SLC30A4: variants seen among roughly 807,000 people sequenced by gnomAD.
SLC30A4 encodes the protein solute carrier family 30 member 4.
Under a neutral mutation model 41.7 loss-of-function variants are expected in SLC30A4, and 20 were observed. That is an observed-to-expected ratio of 0.48 (90% confidence interval 0.34 to 0.70). The LOEUF is 0.70. SLC30A4 is among the 30% of genes least tolerant of loss of function. SLC30A4 has a pLI of 0.01. For missense variants in SLC30A4, 441 were observed against 529.3 expected (o/e 0.83, Z 1.64); for synonymous variants, 181 against 195.9 (o/e 0.92, Z 0.64).
intron 3 of SLC30A4, among the ~76,000 whole-genome samples, chr15:45,500,113 C>G (rs1891990098): frequency 6.6e-6 from 1 of 152,030 alleles, no homozygotes; most frequent in Non-Finnish European, 1.5e-5. Flanking sequence ...TACAATTTAG[C>G]TAAGAATTCT....
intron 2 of SLC30A4, among the ~76,000 whole-genome samples, chr15:45,511,686 G>A (rs189756592): frequency 1.2e-3 from 180 of 152,266 alleles, no homozygotes; most frequent in Admixed American, 3.5e-3. Context: ...GTTTCACCAT[G>A]TTGGCCAGGC....
intron 2 of SLC30A4, among the ~76,000 whole-genome samples, chr15:45,521,337 G>A (rs1226586897): frequency 6.6e-6 from 1 of 152,116 alleles, no homozygotes; most frequent in Non-Finnish European, 1.5e-5. Context: ...CCCTTCTTAC[G>A]AGGCAAAAAT....
chr15:45,489,580 A>G (rs895315004), intron 4 of SLC30A4, among the ~76,000 whole-genome samples: 5 of 131,224 alleles, frequency 3.8e-5, no homozygotes, highest in Non-Finnish European at 7.7e-5. Context: ...CTTACTAACA[A>G]GGCTGCAGTA....
chr15:45,490,601 C>G, intron 4 of SLC30A4, 127 bp downstream of exon 4: 1 of 576,914 alleles, frequency 1.7e-6, no homozygotes. Context: ...TTTCATTTAT[C>G]AGAAAAGTTA....
In SLC30A4 at chr15:45,522,394, G is replaced by C; in HGVS notation, c.-40C>G. Reference sequence around the variant, plus strand: ...GGCCGCGGTGCGGAACGGCTTGGGGGAGGCGGACGGCCGGCGGCGCCTACT... The same window carrying C: ...GGCCGCGGTGCGGAACGGCTTGGGGCAGGCGGACGGCCGGCGGCGCCTACT... On this transcript the variant is annotated 5_prime_UTR_variant, in exon 2 of 8. Transcript: ENST00000261867. 2 of 1,534,120 alleles carry C rather than the reference G, an allele frequency of 1.3e-6. No homozygotes were observed. Among genetic ancestry groups the C allele is most frequent in the Non-Finnish European group, 1.7e-6 (2 of 1,147,766 alleles).
chr15:45,489,883 T>G (rs574263951), intron 4 of SLC30A4, among the ~76,000 whole-genome samples: 1 of 152,296 alleles, frequency 6.6e-6, no homozygotes, highest in South Asian at 2.1e-4. Flanking sequence ...GATTTTTTTT[T>G]TGTACATAAA....
rs1175508114 is a variant in SLC30A4 at position 45,484,684 on chromosome 15, C to T, written c.*479G>A. On this transcript the variant is annotated 3_prime_UTR_variant, in exon 8 of 8. Coordinates refer to ENST00000261867, the MANE Select transcript of SLC30A4 (RefSeq NM_013309.6). ...ACTTTTGGGATAACTACTAGTACTT[C>T]CTGAAATCTGTTGGGTAGTAATTTC... 1 of 153,280 alleles carries T rather than the reference C, an allele frequency of 6.5e-6. No homozygotes were observed. The highest frequency in any genetic ancestry group is 1.5e-5 in the Non-Finnish European group (1 of 68,890). The allele number at this position is 153,280 out of a possible 1,614,324, so 9.5% of individuals were successfully genotyped here.
Position 45,498,454 on chromosome 15 carries a change from T to C in SLC30A4, c.539-7573A>G, listed in dbSNP as rs150716258. 7.9e-4 allele frequency among the ~76,000 whole-genome samples: 120 copies of C among 152,290 alleles called. 2 individuals are homozygous for C. In the East Asian group the frequency reaches 0.021, roughly 27 times the overall value. ...TGGATTAAGGATGCTCAACCTGTAT[T>C]TGTATTTCAACTCAGGCTAAAGACA... is the stretch of plus-strand genomic sequence containing the variant. On this transcript the variant is annotated intron_variant, in intron 3 of 7. Coordinates refer to ENST00000261867, the MANE Select transcript of SLC30A4 (RefSeq NM_013309.6).
At chr15:45,519,323 C>T (rs1483231654) in intron 2 of SLC30A4, 4 of 152,110 alleles carry the variant, frequency 2.6e-5, no homozygotes, top group African/African-American at 9.7e-5. Context: ...CTGCAACCTC[C>T]ACCTCCCAGG....
intron 3 of SLC30A4, among the ~76,000 whole-genome samples, chr15:45,506,754 C>G (rs1892163588): frequency 6.6e-6 from 1 of 152,116 alleles, no homozygotes. Context: ...GCTTGAGTAC[C>G]TTCTTAGCTC....
chr15:45,518,386 A>G (rs748262797), intron 2 of SLC30A4, among the ~76,000 whole-genome samples: 2 of 152,208 alleles, frequency 1.3e-5, no homozygotes, highest in Non-Finnish European at 2.9e-5. Context: ...AGTAGGGATC[A>G]TAATAGTTTC....
chr15:45,497,828 T>C (rs184355454), intron 3 of SLC30A4, among the ~76,000 whole-genome samples: 33 of 152,340 alleles, frequency 2.2e-4, no homozygotes, highest in African/African-American at 7.5e-4. Context: ...CTAGGATTTA[T>C]TACAATTTAT....
chr15:45,500,039 T>C (rs760834021), intron 3 of SLC30A4, among the ~76,000 whole-genome samples: 5 of 152,346 alleles, frequency 3.3e-5, no homozygotes, highest in Middle Eastern at 3.4e-3. Context: ...CAAAGACTTA[T>C]GAGTTTAAAG....
At chr15:45,521,338 A>T (rs547793880) in intron 2 of SLC30A4, among the ~76,000 whole-genome samples, 2 of 152,364 alleles carry the variant, frequency 1.3e-5, no homozygotes, top group East Asian at 3.9e-4. Context: ...CCTTCTTACG[A>T]GGCAAAAATT....
rs146768952 is a variant in SLC30A4, at chr15:45,488,829, C to T, written c.894+12G>A. On this transcript the variant is annotated intron_variant, in intron 5 of 7. Transcript: ENST00000261867. ...GTACATTTTAAAATAGAAAAATTACCAATCATATTACCTTGAATCGTATGA... is the reference window on the plus strand; with the variant it reads ...GTACATTTTAAAATAGAAAAATTACTAATCATATTACCTTGAATCGTATGA... The T allele has an allele frequency of 5.1e-4, 823 of 1,599,898 alleles. 7 individuals carry two copies. The African/African-American group carries it at 0.01, about 20-fold the overall frequency.
chr15:45,498,442 C>T (rs1177684326), intron 3 of SLC30A4, among the ~76,000 whole-genome samples: 1 of 152,134 alleles, frequency 6.6e-6, no homozygotes, highest in Non-Finnish European at 1.5e-5. Flanking sequence ...ATTAAGGATG[C>T]TCAACCTGTA....
chr15:45,486,633 A>C lies in SLC30A4; in HGVS notation c.1113T>G (p.Thr371=). The C allele has an allele frequency of 6.2e-7, 1 of 1,605,716 alleles. No homozygotes were observed. Among genetic ancestry groups the C allele is most frequent in the South Asian group, 1.1e-5 (1 of 89,160 alleles). Residue 371 remains threonine (T), a synonymous_variant, in exon 7 of 8, where the codon ACT becomes ACG. Coordinates refer to ENST00000261867, the MANE Select transcript of SLC30A4 (RefSeq NM_013309.6). ...NIWSLTSGKS[T]AIVHIQLIPG... The stretch of plus-strand genomic sequence containing the variant: ...TACTTAGCTGTATGTGAACTATGGC[A>C]GTAGATTTTCCTGAAGTGAGAGACC...
At chr15:45,520,755 A>C (rs1002850674) in intron 2 of SLC30A4, 1 of 216,310 alleles carries the variant, frequency 4.6e-6, no homozygotes, top group Non-Finnish European at 9.5e-6. Context: ...ACATCACATG[A>C]AGGAAAACTT....
chr15:45,522,228 A>G lies in SLC30A4; in HGVS notation c.127T>C (p.Phe43Leu). 2 of 1,614,238 alleles carry G rather than the reference A, an allele frequency of 1.2e-6. No individual in the cohort carries two copies. The highest frequency in any genetic ancestry group is 2.2e-5 in the East Asian group (1 of 44,880). ...DEAGDEGLSR[F>L]NKLRVVVADD... The stretch of plus-strand genomic sequence containing the variant: ...GCCACCACAACTCGAAGTTTGTTGA[A>G]CCGAGAAAGCCCCTCGTCCCCCGCC... Residue 43 changes from phenylalanine (F) to leucine (L), a missense_variant, in exon 2 of 8, where the codon TTC becomes CTC. Physicochemically the swap from Phe to Leu is conservative, Grantham distance 22. Transcript: ENST00000261867.
Sources: allele counts gnomAD v4.1 joint callset (sites outside exome capture counted in the v4.1 genomes callset), GRCh38; gene constraint gnomAD v4.1.1; transcripts MANE v1.5; gene names NCBI Gene and HGNC (gene_info 2026-07-23, HGNC 2026-07-21).